COG4: variants seen among roughly 807,000 people sequenced by gnomAD.
COG4 encodes the protein component of oligomeric golgi complex 4, also known as conserved oligomeric Golgi complex subunit 4.
COG4 carries 65 observed loss-of-function variants against 95.1 expected under a neutral mutation model. The ratio of observed to expected loss-of-function variants is 0.68; its 90% CI spans 0.56 to 0.84. COG4 has a LOEUF of 0.84. Among genes scored for constraint, COG4 ranks in the 40% least tolerant of loss-of-function variants. The pLI is 0.00. For missense variants in COG4, 1,045 were observed against 989.1 expected, an observed-to-expected ratio of 1.06 and a Z score of -0.76; for synonymous variants, 421 against 374.8, an observed-to-expected ratio of 1.12 and a Z score of -1.42.
Position 70,481,938 on chromosome 16 carries a change from G to A in COG4, c.2005-73C>T, listed in dbSNP as rs537787950. ...CCTCTATGCTGGAGTCTTAGGTGGT[G>A]AGGATAGTAGCGTGAGGCCACGGGG... On this transcript the variant is annotated intron_variant, in intron 16 of 18. Coordinates refer to ENST00000323786, the MANE Select transcript of COG4 (RefSeq NM_015386.3). 9.6e-6 allele frequency: 14 copies of A among 1,453,942 alleles called. No individual in the cohort carries two copies. In the South Asian group the frequency reaches 1.5e-4, roughly 16 times the overall value. The allele number at this position is 1,453,942 out of a possible 1,614,324, so 90.1% of individuals were successfully genotyped here.
chr16:70,481,066 C>G lies in COG4; in HGVS notation c.2314G>C (p.Val772Leu). ...WRLTPAEVRQ[V>L]LALRIDFRSE... ...CGGAAGTCTATCCGCAGGGCCAGCA[C>G]CTGGCGCACTTCAGCAGGGGTGAGG... The change falls in exon 19 of 19, where the codon GTG (valine) becomes CTG (leucine). Residue 772 changes from valine (V) to leucine (L), a missense_variant. Coordinates refer to ENST00000323786, the MANE Select transcript of COG4 (RefSeq NM_015386.3). 1 of 1,613,370 alleles carries G rather than the reference C, an allele frequency of 6.2e-7. No individual in the cohort carries two copies. The highest frequency in any genetic ancestry group is 8.5e-7 in the Non-Finnish European group (1 of 1,180,030).
intron 9 of COG4, among the ~76,000 whole-genome samples, chr16:70,499,551 A>T (rs1007339163): frequency 2.5e-4 from 38 of 152,304 alleles, no homozygotes; most frequent in African/African-American, 7.5e-4. Flanking sequence ...TTATTTTTTT[A>T]AATTTTTTTC....
At chr16:70,513,822 T>C (rs1413824293) in intron 4 of COG4, among the ~76,000 whole-genome samples, 1 of 152,166 alleles carries the variant, frequency 6.6e-6, no homozygotes, top group Non-Finnish European at 1.5e-5. Flanking sequence ...GTAACTGAAA[T>C]GGCAGAAAGT....
At chr16:70,518,392 T>G (rs935242589) in intron 2 of COG4, among the ~76,000 whole-genome samples, 1 of 152,020 alleles carries the variant, frequency 6.6e-6, no homozygotes. Flanking sequence ...AGGTTCTCAC[T>G]CTGCCACTCA....
chr16:70,480,919 C>G lies in COG4; in HGVS notation c.*91G>C, dbSNP rs2151736338. The G allele has an allele frequency of 6.6e-7, 1 of 1,504,648 alleles. No individual in the cohort carries two copies. Among genetic ancestry groups the G allele is most frequent in the African/African-American group, 1.4e-5 (1 of 73,184 alleles). 93.2% of individuals were successfully genotyped at this position (1,504,648 alleles called of 1,614,324 possible). On this transcript the variant is annotated 3_prime_UTR_variant, in exon 19 of 19. Transcript: ENST00000323786. ...AAGGTCTGGGCTGTCAGATCTCCCCCAAGCCAGACAGCCTCGCTCAGCTCC... is the reference window on the plus strand; with the variant it reads ...AAGGTCTGGGCTGTCAGATCTCCCCGAAGCCAGACAGCCTCGCTCAGCTCC...
chr16:70,523,494 A>G lies in COG4; in HGVS notation c.50T>C (p.Val17Ala), dbSNP rs780394487. 6.2e-7 allele frequency: 1 copy of G among 1,613,768 alleles called. No individual in the cohort carries two copies. The highest frequency in any genetic ancestry group is 8.5e-7 in the Non-Finnish European group (1 of 1,180,024). Residue 17 changes from valine to alanine, a missense_variant, in exon 1 of 19, where the codon GTG (valine) becomes GCG (alanine). By Grantham distance (64) the Val-to-Ala change is moderately conservative (BLOSUM62 0). Coordinates refer to ENST00000323786, the MANE Select transcript of COG4 (RefSeq NM_015386.3). The part of the protein sequence containing the change: ...DLDSPPKLSG[V>A]QQPSEGVGGG... ...TCCCACCCCCTCAGACGGCTGCTGC[A>G]CCCCTGACAGCTTCGGAGGCGAATC...
intron 4 of COG4, among the ~76,000 whole-genome samples, chr16:70,513,658 A>T (rs192211491): frequency 1.3e-5 from 2 of 152,172 alleles, no homozygotes; most frequent in African/African-American, 4.8e-5. Context: ...TACTGTACTT[A>T]CCCTTCTTGT....
chr16:70,512,985 A>C (rs1488684940), intron 4 of COG4, among the ~76,000 whole-genome samples: 1 of 152,236 alleles, frequency 6.6e-6, no homozygotes, highest in Non-Finnish European at 1.5e-5. Flanking sequence ...CAAAAAAAAG[A>C]AAGGTGTCAA....
intron 12 of COG4, among the ~76,000 whole-genome samples, chr16:70,494,684 G>A (rs1430838021): frequency 6.6e-6 from 1 of 152,192 alleles, no homozygotes; most frequent in Non-Finnish European, 1.5e-5. Flanking sequence ...TAGCTTTGAT[G>A]TGGTAGGCAG....
intron 8 of COG4, among the ~76,000 whole-genome samples, chr16:70,507,861 CAA>C (rs760775488): frequency 2.4e-4 from 24 of 101,076 alleles, no homozygotes; most frequent in African/African-American, 2.2e-4. Context: ...GACTCTGTCT[CAA>C]AAAAAAAAAA....
chr16:70,503,295 G>A (rs905877620), intron 8 of COG4, among the ~76,000 whole-genome samples: 1 of 152,074 alleles, frequency 6.6e-6, no homozygotes, highest in Admixed American at 6.6e-5. Context: ...CAAGTGATCT[G>A]CCCACCTCTG....
intron 12 of COG4, among the ~76,000 whole-genome samples, chr16:70,493,364 G>C (rs2049283056): frequency 6.6e-6 from 1 of 151,902 alleles, no homozygotes; most frequent in Non-Finnish European, 1.5e-5. Context: ...GCCATGTGTG[G>C]CTATTGAGCA....
chr16:70,482,334 C>T (rs771281853), intron 15 of COG4, 159 bp from the exon 16 acceptor site: 28 of 698,062 alleles, frequency 4.0e-5, no homozygotes, highest in Non-Finnish European at 6.0e-5. Context: ...CCCAGGCTGG[C>T]AGAAACTGAC....
chr16:70,514,356 G>C lies in COG4; in HGVS notation c.523C>G (p.Leu175Val), dbSNP rs1180536503. ...TGACCCTCTTTGCCCTGTCGGCTGA[G>C]CTCAATGACCGACTTGTCCAGGCAC... Reference protein sequence around the residue: ...YLCLDKSVIELSRQGKEGSMI... With the variant: ...YLCLDKSVIEVSRQGKEGSMI... The change falls in exon 4 of 19, where the codon CTC becomes GTC. Residue 175 changes from leucine to valine, a missense_variant. Coordinates refer to ENST00000323786, the MANE Select transcript of COG4 (RefSeq NM_015386.3). The C allele has an allele frequency of 6.2e-7, 1 of 1,614,164 alleles. No individual in the cohort carries two copies. The highest frequency in any genetic ancestry group is 1.3e-5 in the African/African-American group (1 of 75,044).
At chr16:70,484,967 T>A (rs1392612828) in intron 13 of COG4, among the ~76,000 whole-genome samples, 12 of 152,148 alleles carry the variant, frequency 7.9e-5, no homozygotes, top group Non-Finnish European at 2.9e-5. Flanking sequence ...TACTTTGACC[T>A]TCATAAAAAA....
At position 70,482,083 on chromosome 16, in the gene COG4, C is replaced by G. The variant is rs1414251111; in HGVS notation, c.2004+9G>C. The G allele has an allele frequency of 6.2e-7, 1 of 1,610,306 alleles. No homozygotes were observed. Among genetic ancestry groups the G allele is most frequent in the African/African-American group, 1.3e-5 (1 of 74,888 alleles). On this transcript the variant is annotated intron_variant, in intron 16 of 18. Coordinates refer to ENST00000323786, the MANE Select transcript of COG4 (RefSeq NM_015386.3). ...ATTCCCTAAGTGGATCCCTAGGGCC[C>G]CTGCTCACCTTGAACTCTGCCATTT...
Position 70,509,380 on chromosome 16 carries a change from G to C in COG4, c.853C>G (p.Arg285Gly), listed in dbSNP as rs201706508. Residue 285 changes from arginine (R) to glycine (G), a missense_variant, in exon 7 of 19, where the codon CGC becomes GGC. Transcript: ENST00000323786. ...TLTLLFEGIARIVETHQPIVE... is the reference protein window; with the variant it reads ...TLTLLFEGIAGIVETHQPIVE... ...ATTGGCTGGTGGGTCTCCACAATGC[G>C]GGCAATCCCTAGAAGGGAGGAAGCA... The C allele has an allele frequency of 1.9e-6, 3 of 1,614,096 alleles. No homozygotes were observed. The highest frequency in any genetic ancestry group is 1.3e-5 in the African/African-American group (1 of 75,004).
chr16:70,482,704 G>GA, intron 15 of COG4, 25 bp downstream of exon 15: 1 of 1,601,116 alleles, frequency 6.2e-7, no homozygotes, highest in South Asian at 1.1e-5. Context: ...ATCGGGGCTT[G>GA]ATGGCTGCCT....
chr16:70,482,187 A>G lies in COG4; in HGVS notation c.1921-12T>C. ...TCATTGAATTCTTCCTGTTGTCAGG[A>G]AGCAGGGCTGGTCACCATGGGCCTC... On this transcript the variant is annotated splice_polypyrimidine_tract_variant and intron_variant, in intron 15 of 18. Coordinates refer to ENST00000323786, the MANE Select transcript of COG4 (RefSeq NM_015386.3). 2 of 1,589,824 alleles carry G rather than the reference A, an allele frequency of 1.3e-6. No homozygotes were observed. The highest frequency in any genetic ancestry group is 1.7e-6 in the Non-Finnish European group (2 of 1,157,880).
Sources: gnomAD v4.1 joint callset for allele counts (sites outside exome capture counted in the v4.1 genomes callset) on GRCh38, gnomAD v4.1.1 for gene constraint, MANE v1.5 for transcripts, NCBI Gene and HGNC (gene_info 2026-07-23, HGNC 2026-07-21) for gene names.